The following SERGEF variants were observed in gnomAD, a reference collection of about 807,000 sequenced individuals.
SERGEF encodes the protein secretion regulating guanine nucleotide exchange factor.
Under a neutral mutation model 50.0 loss-of-function variants are expected in SERGEF, and 51 were observed. The observed-to-expected ratio is 1.02, with a 90% CI of 0.81 to 1.29. The LOEUF (loss-of-function observed/expected upper bound fraction) is 1.29. Among genes scored for constraint, SERGEF ranks in the 50% most tolerant of loss-of-function variants. The pLI is 0.00. For missense variants in SERGEF, 521 were observed against 557.0 expected (o/e 0.94, Z 0.65); for synonymous variants, 205 against 212.4 (o/e 0.97, Z 0.30).
At chr11:17,906,980 G>A (rs1440972007) in intron 9 of SERGEF, among the ~76,000 whole-genome samples, 1 of 152,078 alleles carries the variant, frequency 6.6e-6, no homozygotes, top group Non-Finnish European at 1.5e-5. Context: ...TGAGACTTTG[G>A]ACTGTGCTGG....
chr11:18,007,372 G>A (rs910056219), intron 2 of SERGEF, among the ~76,000 whole-genome samples: 6 of 152,164 alleles, frequency 3.9e-5, no homozygotes, highest in African/African-American at 1.4e-4. Flanking sequence ...TTATCCTCAT[G>A]TAACAGATTC....
At chr11:17,825,433 T>G (rs930568409) in intron 10 of SERGEF, among the ~76,000 whole-genome samples, 6 of 152,148 alleles carry the variant, frequency 3.9e-5, no homozygotes, top group African/African-American at 1.4e-4. Context: ...CGTGACTTGG[T>G]TCTTGTTTTC....
rs957558281 is a variant in SERGEF at position 17,991,032 on chromosome 11, C to G, written c.685+1899G>C. Among the ~76,000 whole-genome samples, 1 of 152,060 alleles carries G rather than the reference C, an allele frequency of 6.6e-6. No individual in the cohort carries two copies. Among genetic ancestry groups the G allele is most frequent in the African/African-American group, 2.4e-5 (1 of 41,404 alleles). ...TCTTGAACTCCTGACCTCAAGTATT[C>G]CATCTGCCTCAGCCTCCAAAGTGCT... On this transcript the variant is annotated intron_variant, in intron 7 of 10. Transcript: ENST00000265965. The surrounding 1 kb of genome is among the most constrained non-coding windows in gnomAD (Gnocchi z 4.9).
intron 9 of SERGEF, among the ~76,000 whole-genome samples, chr11:17,917,795 C>T (rs550079296): frequency 3.9e-5 from 6 of 152,272 alleles, no homozygotes; most frequent in Admixed American, 2.6e-4. Flanking sequence ...AATCTCAGGT[C>T]CCAACCCAGA....
chr11:17,919,938 C>T (rs1852121424), intron 9 of SERGEF, among the ~76,000 whole-genome samples: 1 of 140,008 alleles, frequency 7.1e-6, no homozygotes, highest in Non-Finnish European at 1.5e-5. Context: ...AAGAGCAAAA[C>T]TCCATCTAAA....
Position 17,933,854 on chromosome 11 carries a change from A to G in SERGEF, c.1011+25616T>C, listed in dbSNP as rs147076614. On this transcript the variant is annotated intron_variant, in intron 9 of 10. Transcript: ENST00000265965. ...GTGTCTTTGGAAAATTTGAGTTTGC[A>G]TATTTCCACCAAATGTTGCTGCAGT... 2.7e-3 allele frequency among the ~76,000 whole-genome samples: 409 copies of G among 152,286 alleles called. 1 individual carries two copies. The highest frequency in any genetic ancestry group is 9.1e-3 in the African/African-American group (377 of 41,564).
At chr11:17,877,887 C>T (rs943411291) in intron 10 of SERGEF, 5 of 231,370 alleles carry the variant, frequency 2.2e-5, no homozygotes, top group Admixed American at 1.1e-4. Context: ...AGAAGCAGTC[C>T]AATCATTCTT....
At chr11:17,827,530 G>A (rs187421216) in intron 10 of SERGEF, among the ~76,000 whole-genome samples, 26 of 152,320 alleles carry the variant, frequency 1.7e-4, no homozygotes, top group African/African-American at 6.3e-4. Context: ...CTAGCCTATT[G>A]TTCTGTTGGT....
At chr11:17,975,524 G>C (rs1853351495) in intron 8 of SERGEF, among the ~76,000 whole-genome samples, 2 of 152,130 alleles carry the variant, frequency 1.3e-5, no homozygotes, top group African/African-American at 2.4e-5. Context: ...CAATGAACCA[G>C]ATAACTCCAG....
intron 9 of SERGEF, among the ~76,000 whole-genome samples, chr11:17,951,529 T>C (rs1565213563): frequency 6.6e-6 from 1 of 152,192 alleles, no homozygotes; most frequent in Admixed American, 6.5e-5. Flanking sequence ...TCCCAATACT[T>C]ACTGAGGCTA....
chr11:17,978,133 T>C (rs1853416789), intron 8 of SERGEF, among the ~76,000 whole-genome samples: 1 of 152,162 alleles, frequency 6.6e-6, no homozygotes, highest in South Asian at 2.1e-4. Flanking sequence ...AATCCTCACC[T>C]AGAATGAAGG....
chr11:17,958,045 A>G (rs553995883), intron 9 of SERGEF, among the ~76,000 whole-genome samples: 1 of 152,354 alleles, frequency 6.6e-6, no homozygotes, highest in African/African-American at 2.4e-5. Context: ...TATTACATGT[A>G]AATTGTCTTT....
chr11:17,798,989 A>C (rs1849616215), intron 10 of SERGEF, among the ~76,000 whole-genome samples: 1 of 152,226 alleles, frequency 6.6e-6, no homozygotes, highest in Admixed American at 6.5e-5. Context: ...TGGCCCTGGC[A>C]GATGGAGCAG....
intron 9 of SERGEF, among the ~76,000 whole-genome samples, chr11:17,913,853 C>T (rs369941031): frequency 6.6e-6 from 1 of 152,118 alleles, no homozygotes; most frequent in Admixed American, 6.5e-5. Context: ...TCAGTAGAGC[C>T]CACCTTACTT....
At position 17,901,013 on chromosome 11, in the gene SERGEF, C is replaced by T. The variant is rs181095225; in HGVS notation, c.1012-22769G>A. 8.2e-4 allele frequency among the ~76,000 whole-genome samples: 125 copies of T among 152,162 alleles called. 1 individual carries two copies. The highest frequency in any genetic ancestry group is 7.7e-3 in the Admixed American group (117 of 15,284). ...TCAAGCTGCACAAAACAGAACACAC[C>T]GTCTACCCCCACCTCATCCCTTCCC... On this transcript the variant is annotated intron_variant, in intron 9 of 10. Coordinates refer to ENST00000265965, the MANE Select transcript of SERGEF (RefSeq NM_012139.4).
At chr11:17,994,698 T>C (rs1384649094) in intron 6 of SERGEF, among the ~76,000 whole-genome samples, 1 of 152,144 alleles carries the variant, frequency 6.6e-6, no homozygotes, top group Non-Finnish European at 1.5e-5. Flanking sequence ...GTGGACTACC[T>C]GTCCCACATC....
At chr11:17,808,269 G>A (rs1849800200) in intron 10 of SERGEF, among the ~76,000 whole-genome samples, 1 of 152,208 alleles carries the variant, frequency 6.6e-6, no homozygotes. Flanking sequence ...AAGAAAAGAG[G>A]TTTAATTGGC....
chr11:17,934,854 T>A (rs1210093130), intron 9 of SERGEF, among the ~76,000 whole-genome samples: 1 of 152,180 alleles, frequency 6.6e-6, no homozygotes, highest in African/African-American at 2.4e-5. Flanking sequence ...CCACGTCACA[T>A]CTTTTTTTCA....
chr11:17,921,490 AGAAT>A (rs1852154646), intron 9 of SERGEF, among the ~76,000 whole-genome samples: 1 of 152,242 alleles, frequency 6.6e-6, no homozygotes, highest in South Asian at 2.1e-4. Flanking sequence ...CCTCAGCAGC[AGAAT>A]TTACAAACCA....
Sources: allele counts gnomAD v4.1 joint callset (sites outside exome capture counted in the v4.1 genomes callset), GRCh38; gene constraint gnomAD v4.1.1; non-coding constraint Gnocchi (gnomAD v3.1); transcripts MANE v1.5; gene names NCBI Gene and HGNC (gene_info 2026-07-23, HGNC 2026-07-21).